The following PTPRG variants were observed in gnomAD, a reference collection of about 807,000 sequenced individuals.
PTPRG encodes the protein receptor-type tyrosine-protein phosphatase gamma.
PTPRG carries 102 observed loss-of-function variants against 165.3 expected under a neutral mutation model. The observed-to-expected ratio is 0.62, with a 90% confidence interval of 0.53 to 0.73. PTPRG has a LOEUF of 0.73. Among genes scored for constraint, PTPRG ranks in the 30% least tolerant of loss-of-function variants. The probability of loss-of-function intolerance (pLI) is 0.00; values close to 1 mark genes in which losing one functional copy is unlikely to be tolerated. For synonymous variants in PTPRG, 675 were observed against 669.5 expected (o/e 1.01, Z -0.13); for missense variants, 1,866 against 1,861.4 (o/e 1.00, Z -0.05).
intron 26 of PTPRG, among the ~76,000 whole-genome samples, chr3:62,279,857 A>ATGAT (rs1227065515): frequency 6.6e-6 from 1 of 152,068 alleles, no homozygotes; most frequent in Non-Finnish European, 1.5e-5. Context: ...TCTGACTTCA[A>ATGAT]TGATAGTAGC....
At chr3:61,781,522 AT>A (rs1377972842) in intron 2 of PTPRG, among the ~76,000 whole-genome samples, 1 of 152,172 alleles carries the variant, frequency 6.6e-6, no homozygotes, top group Non-Finnish European at 1.5e-5. Flanking sequence ...TCTCCACTGA[AT>A]AAAAATTTGA....
At chr3:62,051,477 A>G (rs909937726) in intron 4 of PTPRG, among the ~76,000 whole-genome samples, 1 of 152,166 alleles carries the variant, frequency 6.6e-6, no homozygotes, top group Non-Finnish European at 1.5e-5. Context: ...TTTGCAGCTT[A>G]TTTCTATCGT....
At chr3:61,871,500 G>A (rs1421391047) in intron 2 of PTPRG, among the ~76,000 whole-genome samples, 1 of 152,054 alleles carries the variant, frequency 6.6e-6, no homozygotes, top group South Asian at 2.1e-4. Context: ...TACCACACCC[G>A]GCCCCTTTTA....
At chr3:61,695,284 T>G (rs1364966064) in intron 1 of PTPRG, among the ~76,000 whole-genome samples, 1 of 152,224 alleles carries the variant, frequency 6.6e-6, no homozygotes, top group Non-Finnish European at 1.5e-5. Context: ...GTGCTGGGAT[T>G]ACAAGTGTGA....
At chr3:61,974,426 T>C (rs960457061) in intron 2 of PTPRG, among the ~76,000 whole-genome samples, 1 of 151,930 alleles carries the variant, frequency 6.6e-6, no homozygotes. Context: ...TATGGCTGGT[T>C]CCTGTAATCC....
At chr3:61,621,214 C>A (rs1701450202) in intron 1 of PTPRG, among the ~76,000 whole-genome samples, 3 of 152,042 alleles carry the variant, frequency 2.0e-5, no homozygotes, top group Admixed American at 2.0e-4. Flanking sequence ...TTTGAATTGT[C>A]TTATGCACCC....
At chr3:62,092,252 C>T (rs142518772) in intron 5 of PTPRG, among the ~76,000 whole-genome samples, 1 of 151,884 alleles carries the variant, frequency 6.6e-6, no homozygotes, top group African/African-American at 2.4e-5. Context: ...CCAGCCCGGC[C>T]AACATGGTTA....
intron 2 of PTPRG, among the ~76,000 whole-genome samples, chr3:61,837,064 A>G (rs2036488900): frequency 6.6e-6 from 1 of 152,158 alleles, no homozygotes; most frequent in South Asian, 2.1e-4. Context: ...GTAGGCACCC[A>G]TCATCATGCC....
chr3:61,935,125 G>A (rs76939058), intron 2 of PTPRG, among the ~76,000 whole-genome samples: 2 of 151,762 alleles, frequency 1.3e-5, no homozygotes, highest in African/African-American at 4.8e-5. Context: ...CCCCATCTCC[G>A]CCTCTCCCTA....
At chr3:61,985,660 C>T (rs2040741153) in intron 2 of PTPRG, among the ~76,000 whole-genome samples, 1 of 152,068 alleles carries the variant, frequency 6.6e-6, no homozygotes, top group African/African-American at 2.4e-5. Context: ...GAGCAAGTGT[C>T]GATTCTGTAT....
chr3:61,918,397 A>G (rs760120816), intron 2 of PTPRG, among the ~76,000 whole-genome samples: 4 of 152,192 alleles, frequency 2.6e-5, no homozygotes, highest in Non-Finnish European at 5.9e-5. Flanking sequence ...GAGTATATGT[A>G]CATAAGGTGA....
At chr3:61,854,822 G>A (rs1430711965) in intron 2 of PTPRG, among the ~76,000 whole-genome samples, 1 of 152,198 alleles carries the variant, frequency 6.6e-6, no homozygotes, top group Non-Finnish European at 1.5e-5. Context: ...GAAGGATAAT[G>A]CTGACAGTGT....
intron 9 of PTPRG, among the ~76,000 whole-genome samples, chr3:62,194,685 C>A (rs1365049589): frequency 6.6e-6 from 1 of 152,084 alleles, no homozygotes; most frequent in Non-Finnish European, 1.5e-5. Context: ...CTCCTGTAAT[C>A]CCAGCTACTC....
At chr3:61,661,485 C>T (rs1465718619) in intron 1 of PTPRG, among the ~76,000 whole-genome samples, 2 of 152,068 alleles carry the variant, frequency 1.3e-5, no homozygotes, top group Non-Finnish European at 2.9e-5. Context: ...ATATGTAAAG[C>T]ATTTATGCCA....
At chr3:61,569,509 G>A (rs1295771263) in intron 1 of PTPRG, among the ~76,000 whole-genome samples, 1 of 152,062 alleles carries the variant, frequency 6.6e-6, no homozygotes, top group Non-Finnish European at 1.5e-5. Flanking sequence ...TAGAGACCGG[G>A]TCTCTCCCTG....
At chr3:61,570,727 A>G (rs1339099511) in intron 1 of PTPRG, among the ~76,000 whole-genome samples, 1 of 152,240 alleles carries the variant, frequency 6.6e-6, no homozygotes, top group Admixed American at 6.5e-5. Context: ...TAGTGAGGAA[A>G]TATTACTGAC....
At chr3:61,822,285 G>A (rs1056175556) in intron 2 of PTPRG, among the ~76,000 whole-genome samples, 2 of 152,162 alleles carry the variant, frequency 1.3e-5, no homozygotes, top group Non-Finnish European at 2.9e-5. Context: ...TGGGTTTCAC[G>A]TTGTAATTGG....
chr3:61,651,048 A>T (rs944201099), intron 1 of PTPRG, among the ~76,000 whole-genome samples: 1 of 151,834 alleles, frequency 6.6e-6, no homozygotes, highest in Non-Finnish European at 1.5e-5. Context: ...ATCTGTGTGT[A>T]TGTTTATATT....
At chr3:61,866,833 G>A (rs963050466) in intron 2 of PTPRG, among the ~76,000 whole-genome samples, 14 of 152,034 alleles carry the variant, frequency 9.2e-5, no homozygotes, top group African/African-American at 3.4e-4. Context: ...TCTTGAACTC[G>A]TGATCCATCC....
Sources: allele counts gnomAD v4.1 joint callset (sites outside exome capture counted in the v4.1 genomes callset), GRCh38; gene constraint gnomAD v4.1.1; transcripts MANE v1.5; gene names NCBI Gene and HGNC (gene_info 2026-07-23, HGNC 2026-07-21).